DAB1: variants seen among roughly 807,000 people sequenced by gnomAD.
DAB1 encodes disabled homolog 1.
In DAB1, 15 loss-of-function variants were observed where a neutral mutation model predicts 64.6. That is an observed-to-expected ratio of 0.23 (90% confidence interval 0.16 to 0.36). The LOEUF is 0.36. Ranked by LOEUF, DAB1 falls within the 10% of genes least tolerant of loss-of-function variation. The pLI, the probability that DAB1 is intolerant of heterozygous loss-of-function variation, is 1.00. For missense variants in DAB1, 596 were observed against 706.7 expected (o/e 0.84, Z 1.78); for synonymous variants, 235 against 251.9 (o/e 0.93, Z 0.64).
intron 6 of DAB1, among the ~76,000 whole-genome samples, chr1:57,802,941 T>A (rs554225527): frequency 6.6e-6 from 1 of 152,216 alleles, no homozygotes; most frequent in Non-Finnish European, 1.5e-5. Context: ...TTTCTAGGTC[T>A]ACTTGTTTGC....
At chr1:57,077,083 G>A (rs1306272384) in intron 4 of DAB1, among the ~76,000 whole-genome samples, 1 of 152,142 alleles carries the variant, frequency 6.6e-6, no homozygotes, top group Non-Finnish European at 1.5e-5. Context: ...GGCAGGAATG[G>A]GCGAAGGGCA....
At chr1:57,475,762 T>C (rs948558106) in intron 7 of DAB1, among the ~76,000 whole-genome samples, 5 of 152,220 alleles carry the variant, frequency 3.3e-5, no homozygotes, top group Admixed American at 1.3e-4. Context: ...TAAATACCTG[T>C]GTATTCACTG....
intron 7 of DAB1, among the ~76,000 whole-genome samples, chr1:57,479,315 A>G (rs2101232804): frequency 6.6e-6 from 1 of 152,100 alleles, no homozygotes; most frequent in African/African-American, 2.4e-5. Context: ...CTTCACAGAG[A>G]CAGTTTATGC....
At chr1:57,441,218 C>T (rs772603903) in intron 7 of DAB1, among the ~76,000 whole-genome samples, 12 of 152,092 alleles carry the variant, frequency 7.9e-5, no homozygotes, top group Admixed American at 3.3e-4. Flanking sequence ...TTTTTATGTG[C>T]ATAGTATTTT....
chr1:57,206,968 CTTTTTTTTTT>C (rs201111039), intron 2 of DAB1, among the ~76,000 whole-genome samples: 3 of 84,476 alleles, frequency 3.6e-5, no homozygotes, highest in Admixed American at 1.7e-4. Context: ...TCCTTCCTTC[CTTTTTTTTTT>C]TTTTTTTTTT....
At chr1:57,277,998 A>G (rs1250344495) in intron 2 of DAB1, among the ~76,000 whole-genome samples, 4 of 152,212 alleles carry the variant, frequency 2.6e-5, no homozygotes, top group African/African-American at 4.8e-5. Flanking sequence ...AGGAATGTGA[A>G]TCTGCAATGA....
intron 5 of DAB1, among the ~76,000 whole-genome samples, chr1:58,003,588 T>A (rs1196322151): frequency 6.6e-6 from 1 of 152,202 alleles, no homozygotes; most frequent in East Asian, 1.9e-4. Context: ...ACTGTTCTGC[T>A]CTTTGTGTGC....
intron 5 of DAB1, among the ~76,000 whole-genome samples, chr1:57,931,738 T>G (rs1246822694): frequency 6.6e-6 from 1 of 152,184 alleles, no homozygotes; most frequent in Non-Finnish European, 1.5e-5. Context: ...TCCTTTGTCT[T>G]TTTTCCACAG....
rs571545559 is a variant in DAB1 at position 57,725,229 on chromosome 1, T to C, written n.552-75564A>G. ...TTCCTATCTCTATGTTTAACAATTC[T>C]GAAATCATGCAGGAACGATTACTTG... is the stretch of plus-strand genomic sequence containing the variant. On this transcript the variant is annotated intron_variant and non_coding_transcript_variant, in intron 6 of 20. Transcript: ENST00000485760. Among the ~76,000 whole-genome samples the C allele has an allele frequency of 1.6e-4, 24 of 152,350 alleles. No individual in the cohort carries two copies. The South Asian group carries it at 4.8e-3, about 30-fold the overall frequency.
At chr1:57,688,695 G>A (rs1244022097) in intron 6 of DAB1, among the ~76,000 whole-genome samples, 1 of 152,156 alleles carries the variant, frequency 6.6e-6, no homozygotes, top group East Asian at 1.9e-4. Flanking sequence ...ATTATATAAA[G>A]AAAATGTGGT....
intron 7 of DAB1, among the ~76,000 whole-genome samples, chr1:57,580,505 A>G (rs1029639962): frequency 6.6e-6 from 1 of 152,038 alleles, no homozygotes; most frequent in African/African-American, 2.4e-5. Flanking sequence ...TGATACCAGC[A>G]CTTCCAGCAT....
rs12042200 is a variant in DAB1, at chr1:57,892,984, G to T, written n.388-8822C>A. The stretch of plus-strand genomic sequence containing the variant: ...TGGCTTGTTAAAACATGATTGCTGG[G>T]CCCCACCCCCCACCCCTAGAGTTTT... On this transcript the variant is annotated intron_variant and non_coding_transcript_variant, in intron 5 of 20. Coordinates refer to the DAB1 transcript ENST00000485760. 2.0e-4 allele frequency among the ~76,000 whole-genome samples: 29 copies of T among 146,072 alleles called. No homozygotes were observed. The East Asian group carries it at 6.0e-3, about 30-fold the overall frequency.
chr1:57,004,677 T>C (rs1645999815), intron 14 of DAB1, among the ~76,000 whole-genome samples: 1 of 152,196 alleles, frequency 6.6e-6, no homozygotes, highest in Non-Finnish European at 1.5e-5. Flanking sequence ...AGTTTTACAT[T>C]CCTTGGCTTG....
At chr1:58,507,766 C>T (rs1021271560) in intron 2 of DAB1, among the ~76,000 whole-genome samples, 1 of 151,926 alleles carries the variant, frequency 6.6e-6, no homozygotes, top group Non-Finnish European at 1.5e-5. Context: ...ATTAGAAACA[C>T]CCAGAGGACT....
intron 4 of DAB1, among the ~76,000 whole-genome samples, chr1:58,245,463 G>A (rs1472730592): frequency 6.6e-6 from 1 of 152,172 alleles, no homozygotes; most frequent in Non-Finnish European, 1.5e-5. Flanking sequence ...CTGTTAAGAT[G>A]TGGACTAAAG....
intron 6 of DAB1, among the ~76,000 whole-genome samples, chr1:57,690,119 T>C (rs1377666710): frequency 1.3e-5 from 2 of 152,216 alleles, no homozygotes; most frequent in African/African-American, 4.8e-5. Context: ...AGTACTCCAT[T>C]GTGTAAAAGT....
chr1:57,802,177 C>T (rs1651158675), intron 6 of DAB1, among the ~76,000 whole-genome samples: 1 of 152,220 alleles, frequency 6.6e-6, no homozygotes, highest in Non-Finnish European at 1.5e-5. Flanking sequence ...GACCCTCCAA[C>T]TTTGAGAACA....
chr1:57,759,856 G>A (rs1648988560), intron 6 of DAB1, among the ~76,000 whole-genome samples: 1 of 152,114 alleles, frequency 6.6e-6, no homozygotes, highest in African/African-American at 2.4e-5. Flanking sequence ...AATTGTGCAG[G>A]CAGGTAACAA....
At chr1:58,520,221 C>T (rs1332861102) in intron 2 of DAB1, among the ~76,000 whole-genome samples, 2 of 151,916 alleles carry the variant, frequency 1.3e-5, no homozygotes, top group East Asian at 1.9e-4. Context: ...ACGTAACAGA[C>T]CTGCACGTGT....
Sources: allele counts gnomAD v4.1 joint callset (sites outside exome capture counted in the v4.1 genomes callset), GRCh38; gene constraint gnomAD v4.1.1; transcripts MANE v1.5; gene names NCBI Gene and HGNC (gene_info 2026-07-23, HGNC 2026-07-21).